The following HECW1 variants were observed in gnomAD, a reference collection of about 807,000 sequenced individuals.
HECW1 encodes the protein E3 ubiquitin-protein ligase HECW1.
HECW1 carries 61 observed loss-of-function variants against 182.3 expected under a neutral mutation model. The observed-to-expected ratio is 0.33, with a 90% confidence interval of 0.27 to 0.41. The LOEUF (loss-of-function observed/expected upper bound fraction) is 0.41, where lower values mean the gene tolerates loss of function less well. Among genes scored for constraint, HECW1 ranks in the 10% least tolerant of loss-of-function variants. The probability of loss-of-function intolerance (pLI) is 1.00; values close to 1 mark genes in which losing one functional copy is unlikely to be tolerated. For synonymous variants in HECW1, 859 were observed against 832.6 expected (o/e 1.03, Z -0.55); for missense variants, 1,739 against 2,108.9 (o/e 0.82, Z 3.44).
At chr7:43,489,480 T>C (rs2078846641) in intron 17 of HECW1, among the ~76,000 whole-genome samples, 1 of 152,234 alleles carries the variant, frequency 6.6e-6, no homozygotes, top group Non-Finnish European at 1.5e-5. Context: ...GAGACTGGAA[T>C]GTGCTGCTGC....
At chr7:43,382,984 A>C (rs1312246069) in intron 6 of HECW1, among the ~76,000 whole-genome samples, 1 of 151,970 alleles carries the variant, frequency 6.6e-6, no homozygotes, top group African/African-American at 2.4e-5. Context: ...CCCTGTGTCC[A>C]TGTGTTCTCA....
intron 2 of HECW1, among the ~76,000 whole-genome samples, chr7:43,233,580 T>C (rs911764032): frequency 1.3e-5 from 2 of 152,182 alleles, no homozygotes; most frequent in Admixed American, 6.5e-5. Flanking sequence ...TAAAAATAGT[T>C]TTATGAAAGC....
chr7:43,365,423 C>A (rs1026186596), intron 6 of HECW1, among the ~76,000 whole-genome samples: 3 of 146,698 alleles, frequency 2.0e-5, no homozygotes, highest in Non-Finnish European at 4.5e-5. Context: ...GAAAGGCCAC[C>A]AGCATGCAGG....
Position 43,450,936 on chromosome 7 carries a change from T to C in HECW1, c.2500+7T>C. The C allele has an allele frequency of 6.3e-7, 1 of 1,579,556 alleles. No homozygotes were observed. The highest frequency in any genetic ancestry group is 8.7e-7 in the Non-Finnish European group (1 of 1,148,958). Reference sequence around the variant, plus strand: ...GATGAGCCTCTTCCACCAAGTAAGCTTTAGTTTTTAAAATCTGTGTCTTAA... The same window carrying C: ...GATGAGCCTCTTCCACCAAGTAAGCCTTAGTTTTTAAAATCTGTGTCTTAA... On this transcript the variant is annotated splice_region_variant and intron_variant, in intron 12 of 29. Coordinates refer to ENST00000395891, the MANE Select transcript of HECW1 (RefSeq NM_015052.5).
intron 6 of HECW1, among the ~76,000 whole-genome samples, chr7:43,381,942 G>T (rs117789459): frequency 0.01 from 1,542 of 152,226 alleles, 15 homozygotes; most frequent in Non-Finnish European, 0.018. Context: ...CTGATTACAG[G>T]TGTGAGTCAC....
chr7:43,143,760 T>C (rs1458089012), intron 2 of HECW1, among the ~76,000 whole-genome samples: 1 of 152,210 alleles, frequency 6.6e-6, no homozygotes, highest in East Asian at 1.9e-4. Context: ...GGTCATTCCA[T>C]GTACACTCAC....
At chr7:43,258,340 C>T (rs928954954) in intron 3 of HECW1, among the ~76,000 whole-genome samples, 1 of 147,190 alleles carries the variant, frequency 6.8e-6, no homozygotes, top group Admixed American at 6.8e-5. Context: ...GAGACTCCAT[C>T]TCAAAAAAAT....
intron 2 of HECW1, among the ~76,000 whole-genome samples, chr7:43,144,727 A>G (rs903472368): frequency 2.6e-5 from 4 of 152,080 alleles, no homozygotes; most frequent in African/African-American, 9.7e-5. Flanking sequence ...TGGCACTACA[A>G]AATACTCCAG....
chr7:43,482,732 C>A (rs951526761), intron 17 of HECW1, among the ~76,000 whole-genome samples: 2 of 152,020 alleles, frequency 1.3e-5, no homozygotes, highest in Non-Finnish European at 2.9e-5. Context: ...ATGGCAGGAC[C>A]TTTTCTCTAC....
At chr7:43,206,249 C>A (rs1795464542) in intron 2 of HECW1, among the ~76,000 whole-genome samples, 1 of 152,106 alleles carries the variant, frequency 6.6e-6, no homozygotes, top group Non-Finnish European at 1.5e-5. Context: ...GGAACAGACA[C>A]CAGGAACGCG....
At chr7:43,379,978 G>A (rs2074479546) in intron 6 of HECW1, among the ~76,000 whole-genome samples, 2 of 152,322 alleles carry the variant, frequency 1.3e-5, no homozygotes, top group Non-Finnish European at 2.9e-5. Context: ...ACAGCAGACG[G>A]CCCATAAAAC....
At chr7:43,398,190 G>A (rs112686884) in intron 7 of HECW1, among the ~76,000 whole-genome samples, 1 of 152,078 alleles carries the variant, frequency 6.6e-6, no homozygotes, top group Non-Finnish European at 1.5e-5. Flanking sequence ...ATGGGAGGTG[G>A]AGGTTGCAGT....
chr7:43,201,489 G>A (rs1022634661), intron 2 of HECW1, among the ~76,000 whole-genome samples: 1 of 152,190 alleles, frequency 6.6e-6, no homozygotes, highest in Admixed American at 6.5e-5. Flanking sequence ...GGGCTTTTCT[G>A]TAAACCTATA....
At chr7:43,302,717 C>T (rs181732608) in intron 3 of HECW1, among the ~76,000 whole-genome samples, 14 of 152,296 alleles carry the variant, frequency 9.2e-5, no homozygotes, top group Admixed American at 2.6e-4. Context: ...CCCCTGGAGC[C>T]GCACTGTGGT....
intron 2 of HECW1, among the ~76,000 whole-genome samples, chr7:43,184,475 A>T (rs1793179880): frequency 6.6e-6 from 1 of 152,290 alleles, no homozygotes; most frequent in Admixed American, 6.5e-5. Flanking sequence ...GAGTTTCTAA[A>T]ATCCTTGGAA....
At chr7:43,279,615 C>T (rs548539282) in intron 3 of HECW1, among the ~76,000 whole-genome samples, 7 of 152,258 alleles carry the variant, frequency 4.6e-5, no homozygotes, top group African/African-American at 1.2e-4. Flanking sequence ...CTAGAATGTG[C>T]GCCCTCCTTG....
intron 29 of HECW1, among the ~76,000 whole-genome samples, chr7:43,558,584 G>T (rs181459944): frequency 6.6e-6 from 1 of 152,132 alleles, no homozygotes; most frequent in African/African-American, 2.4e-5. Flanking sequence ...TTGAGTAGAA[G>T]CCAAGGATGC....
In HECW1 at chr7:43,508,021, C is replaced by T. The variant is rs1314224272; in HGVS notation, c.3756C>T (p.Leu1252=). 4.3e-6 allele frequency: 7 copies of T among 1,612,172 alleles called. No homozygotes were observed. The highest frequency in any genetic ancestry group is 5.9e-6 in the Non-Finnish European group (7 of 1,178,400). The change falls in exon 23 of 30, where the codon CTC becomes CTT. Residue 1252 remains leucine (L), a synonymous_variant. Transcript: ENST00000395891. ...GFGQGPGKIK[L]IIRRDHLLEG... ...CACCACCCCTTCTCCTTCTCAGGCT[C>T]ATTATTCGCCGGGATCATTTGTTGG... is the stretch of plus-strand genomic sequence containing the variant.
intron 2 of HECW1, among the ~76,000 whole-genome samples, chr7:43,165,397 C>CG (rs11451295): frequency 0.24 from 33,494 of 136,780 alleles, 4,304 homozygotes; most frequent in East Asian, 0.45. Flanking sequence ...GGGCTTTTGG[C>CG]GGGGGGGGGT....
Sources: allele counts gnomAD v4.1 joint callset (sites outside exome capture counted in the v4.1 genomes callset), GRCh38; gene constraint gnomAD v4.1.1; transcripts MANE v1.5; gene names NCBI Gene and HGNC (gene_info 2026-07-23, HGNC 2026-07-21).